The following DMGDH variants were observed in gnomAD, a reference collection of about 807,000 sequenced individuals.
DMGDH encodes dimethylglycine dehydrogenase, mitochondrial.
Under a neutral mutation model 95.2 loss-of-function variants are expected in DMGDH, and 76 were observed. The ratio of observed to expected loss-of-function variants is 0.80; its 90% CI spans 0.66 to 0.97. The LOEUF (loss-of-function observed/expected upper bound fraction) is 0.97, where lower values mean the gene tolerates loss of function less well. Among genes scored for constraint, DMGDH ranks in the 50% least tolerant of loss-of-function variants. The probability of loss-of-function intolerance (pLI) is 0.00; values close to 1 mark genes in which losing one functional copy is unlikely to be tolerated. For missense variants in DMGDH, 987 were observed against 1,055.0 expected (o/e 0.94, Z 0.89); for synonymous variants, 345 against 377.6 (o/e 0.91, Z 1.00).
chr5:79,051,158 A>G, intron 5 of DMGDH, 129 bp downstream of exon 5: 1 of 1,052,722 alleles, frequency 9.5e-7, no homozygotes. Flanking sequence ...ACTTAGAAAC[A>G]GACAAAATGT....
intron 14 of DMGDH, among the ~76,000 whole-genome samples, chr5:79,005,943 G>A (rs1412124190): frequency 6.6e-6 from 1 of 151,930 alleles, no homozygotes; most frequent in Non-Finnish European, 1.5e-5. Context: ...CATTTATTGA[G>A]CCCCTACTAT....
intron 5 of DMGDH, among the ~76,000 whole-genome samples, chr5:79,047,600 C>G (rs145598917): frequency 1.3e-5 from 2 of 152,136 alleles, no homozygotes; most frequent in African/African-American, 4.8e-5. Context: ...AGTACCTGCC[C>G]GCGTCCCTGA....
chr5:79,039,128 A>G (rs1245763571), intron 7 of DMGDH, among the ~76,000 whole-genome samples: 3 of 149,888 alleles, frequency 2.0e-5, no homozygotes, highest in Admixed American at 6.7e-5. Context: ...AACTAGTTCA[A>G]CCATTGTGGA....
At chr5:79,023,381 C>T (rs1308289850) in intron 14 of DMGDH, among the ~76,000 whole-genome samples, 1 of 152,190 alleles carries the variant, frequency 6.6e-6, no homozygotes, top group Non-Finnish European at 1.5e-5. Flanking sequence ...AGGCACTGCT[C>T]AATGGAGTAA....
At chr5:79,057,154 T>C (rs879503371) in intron 2 of DMGDH, among the ~76,000 whole-genome samples, 5 of 152,236 alleles carry the variant, frequency 3.3e-5, no homozygotes, top group Admixed American at 2.6e-4. Flanking sequence ...GTTGAATAAA[T>C]ATTGATTGAT....
At position 78,998,292 on chromosome 5, in the gene DMGDH, A is replaced by C; in HGVS notation, c.2391T>G (p.Val797=). 6.2e-7 allele frequency: 1 copy of C among 1,612,668 alleles called. No homozygotes were observed. The highest frequency in any genetic ancestry group is 1.1e-5 in the South Asian group (1 of 90,862). ...NESIWYNGKV[V]GNTTSGSYSY... is the part of the protein sequence containing the mutation. ...TATAGCTTCCAGATGTCGTGTTGCCAACCACCTGGAAAACAAGACCCAACA... is the reference window on the plus strand; with the variant it reads ...TATAGCTTCCAGATGTCGTGTTGCCCACCACCTGGAAAACAAGACCCAACA... Residue 797 remains valine (V), a synonymous_variant, in exon 16 of 16, where the codon GTT becomes GTG. Transcript: ENST00000255189.
intron 15 of DMGDH, among the ~76,000 whole-genome samples, chr5:78,998,763 T>G (rs1753402160): frequency 6.6e-6 from 1 of 152,148 alleles, no homozygotes; most frequent in Non-Finnish European, 1.5e-5. Context: ...AGCATGAGAA[T>G]TGCTTGAACC....
At chr5:79,066,265 C>T (rs1415563767) in intron 1 of DMGDH, among the ~76,000 whole-genome samples, 1 of 151,956 alleles carries the variant, frequency 6.6e-6, no homozygotes, top group Non-Finnish European at 1.5e-5. Context: ...TTCACATTTT[C>T]GAAGAGTACT....
chr5:79,020,964 T>C, intron 14 of DMGDH: 11 of 985,412 alleles, frequency 1.1e-5, no homozygotes, highest in Non-Finnish European at 1.3e-5. Flanking sequence ...TGATTTTCCT[T>C]TTGCTCTTGA....
chr5:79,065,337 G>A (rs571846270), intron 1 of DMGDH, among the ~76,000 whole-genome samples: 358 of 150,090 alleles, frequency 2.4e-3, no homozygotes, highest in African/African-American at 7.3e-3. Flanking sequence ...TTAGCCTCCC[G>A]AGTAGCTGGG....
intron 2 of DMGDH, among the ~76,000 whole-genome samples, chr5:79,057,936 C>T (rs573672120): frequency 1.5e-4 from 23 of 152,312 alleles, no homozygotes; most frequent in Admixed American, 1.0e-3. Context: ...ATCTACACTA[C>T]GCAATCCTCT....
chr5:79,031,136 T>C, intron 9 of DMGDH, 138 bp from the exon 10 acceptor site: 3 of 835,610 alleles, frequency 3.6e-6, no homozygotes, highest in Non-Finnish European at 5.8e-6. Context: ...GGCGAGACCA[T>C]GCAACCTGAA....
At position 79,069,663 on chromosome 5, in the gene DMGDH, A is replaced by T; in HGVS notation, c.-43T>A. 1 of 1,301,632 alleles carries T rather than the reference A, an allele frequency of 7.7e-7. No homozygotes were observed. The highest frequency in any genetic ancestry group is 3.2e-5 in the East Asian group (1 of 31,628). The allele number at this position is 1,301,632 out of a possible 1,614,324, so 80.6% of individuals were successfully genotyped here. A position where few individuals can be genotyped will look rare whatever the true frequency, so the allele number is the denominator to read the frequency against. On this transcript the variant is annotated 5_prime_UTR_variant, in exon 1 of 16. Coordinates refer to ENST00000255189, the MANE Select transcript of DMGDH (RefSeq NM_013391.3). ...GGGCGCAGGCGCCTGCTCCGAGGCC[A>T]GCGGGCAGCCTGAGGCCGCGGGGCC...
chr5:79,049,154 T>G (rs1230134356), intron 5 of DMGDH, among the ~76,000 whole-genome samples: 1 of 152,172 alleles, frequency 6.6e-6, no homozygotes, highest in Admixed American at 6.5e-5. Flanking sequence ...CCCCACAAGA[T>G]TTCACAGCTG....
chr5:79,015,760 A>G lies in DMGDH; in HGVS notation c.2250+8511T>C, dbSNP rs749298754. On this transcript the variant is annotated intron_variant, in intron 14 of 15. Transcript: ENST00000255189. ...GCTGCAAAATTTTTAAAAATTATCCAGTAAAATCCAATGATGTTTTAAAAG... is the reference window on the plus strand; with the variant it reads ...GCTGCAAAATTTTTAAAAATTATCCGGTAAAATCCAATGATGTTTTAAAAG... 4.6e-5 allele frequency among the ~76,000 whole-genome samples: 7 copies of G among 152,240 alleles called. 1 individual carries two copies. The highest frequency in any genetic ancestry group is 1.3e-4 in the Admixed American group (2 of 15,286).
chr5:79,033,266 T>A lies in DMGDH; in HGVS notation c.1336A>T (p.Arg446Ter). 1 of 1,614,198 alleles carries A rather than the reference T, an allele frequency of 6.2e-7. No individual in the cohort carries two copies. Among genetic ancestry groups the A allele is most frequent in the Non-Finnish European group, 8.5e-7 (1 of 1,180,020 alleles). ...ATATTGTTGAATCCATATGATTCTC[T>A]TGCTTTGGCCTCAGTGTACTGGGTT... ...TTTQYTEAKA[R>*]ESYGFNNIVG... Residue 446 changes from arginine (R) to a stop codon, truncating the protein, a stop_gained, in exon 8 of 16, where the codon AGA becomes TGA. Coordinates refer to ENST00000255189, the MANE Select transcript of DMGDH (RefSeq NM_013391.3). LOFTEE classifies it high-confidence loss of function.
At chr5:79,065,835 T>C (rs1003666684) in intron 1 of DMGDH, among the ~76,000 whole-genome samples, 4 of 152,170 alleles carry the variant, frequency 2.6e-5, no homozygotes, top group Admixed American at 2.0e-4. Flanking sequence ...CACTGGGTGA[T>C]AGGAATTTTT....
At chr5:79,034,029 T>A (rs1754269889) in intron 7 of DMGDH, among the ~76,000 whole-genome samples, 1 of 152,224 alleles carries the variant, frequency 6.6e-6, no homozygotes, top group African/African-American at 2.4e-5. Context: ...ATAAGAATTT[T>A]GCTTTAGGAA....
chr5:79,063,635 G>A lies in DMGDH; in HGVS notation c.254C>T (p.Thr85Met), dbSNP rs766903693. The A allele has an allele frequency of 1.2e-6, 2 of 1,614,200 alleles. No homozygotes were observed. The highest frequency in any genetic ancestry group is 8.5e-7 in the Non-Finnish European group (1 of 1,180,046). Residue 85 changes from threonine (T) to methionine (M), a missense_variant, in exon 2 of 16, where the codon ACG becomes ATG. Coordinates refer to ENST00000255189, the MANE Select transcript of DMGDH (RefSeq NM_013391.3). ...TACTGCGTGCCAGGTAGATCCAGCC[G>A]TGAGCTCTGATTTCTCCAGCAGGAC... Reference protein sequence around the residue: ...DVVLLEKSELTAGSTWHAAGL... With the variant: ...DVVLLEKSELMAGSTWHAAGL...
Sources: allele counts gnomAD v4.1 joint callset (sites outside exome capture counted in the v4.1 genomes callset), GRCh38; gene constraint gnomAD v4.1.1; transcripts MANE v1.5; gene names NCBI Gene and HGNC (gene_info 2026-07-23, HGNC 2026-07-21).